Variants in GPC5 observed in about 807,000 individuals in gnomAD.
GPC5 encodes the protein glypican 5.
GPC5 carries 47 observed loss-of-function variants against 53.9 expected under a neutral mutation model. The ratio of observed to expected loss-of-function variants is 0.87; its 90% confidence interval spans 0.69 to 1.11. The LOEUF (loss-of-function observed/expected upper bound fraction) is 1.11, where lower values mean the gene tolerates loss of function less well. GPC5 is among the 50% of genes most tolerant of loss of function. The probability of loss-of-function intolerance (pLI) is 0.00; values close to 1 mark genes in which losing one functional copy is unlikely to be tolerated. For missense variants in GPC5, 748 were observed against 713.1 expected (o/e 1.05, Z -0.56); for synonymous variants, 286 against 263.3 (o/e 1.09, Z -0.84).
Position 91,641,113 on chromosome 13 carries a change from G to A in GPC5, c.326-52074G>A, listed in dbSNP as rs562027506. Among the ~76,000 whole-genome samples the A allele has an allele frequency of 2.6e-5, 4 of 152,240 alleles. No homozygotes were observed. The East Asian group carries it at 7.7e-4, about 29-fold the overall frequency. On this transcript the variant is annotated intron_variant, in intron 2 of 7. Coordinates refer to ENST00000377067, the MANE Select transcript of GPC5 (RefSeq NM_004466.6). Reference sequence around the variant, plus strand: ...GAGGCCGAGGTGGACAGATCACGAGGTCAGGAGATCGAGACCATCCTGGCT... The same window carrying A: ...GAGGCCGAGGTGGACAGATCACGAGATCAGGAGATCGAGACCATCCTGGCT...
At chr13:91,730,723 T>G (rs370499971) in intron 4 of GPC5, among the ~76,000 whole-genome samples, 1 of 152,350 alleles carries the variant, frequency 6.6e-6, no homozygotes. Flanking sequence ...ATTAAAGCTC[T>G]TTTGGGCTAT....
At chr13:91,985,987 A>T (rs2040403490) in intron 6 of GPC5, among the ~76,000 whole-genome samples, 1 of 151,928 alleles carries the variant, frequency 6.6e-6, no homozygotes, top group Admixed American at 6.6e-5. Context: ...AATTGTAAAG[A>T]TGAAATTTAC....
At chr13:91,960,568 A>T (rs538194610) in intron 6 of GPC5, among the ~76,000 whole-genome samples, 15 of 152,126 alleles carry the variant, frequency 9.9e-5, no homozygotes, top group African/African-American at 3.4e-4. Flanking sequence ...CAACTCTAAA[A>T]TTTGTGGAAC....
chr13:91,928,103 G>C (rs544455911), intron 6 of GPC5, among the ~76,000 whole-genome samples: 1 of 152,166 alleles, frequency 6.6e-6, no homozygotes, highest in Non-Finnish European at 1.5e-5. Flanking sequence ...TGAGCTATTA[G>C]ACTCAACTGA....
In GPC5 at chr13:91,653,960, C is replaced by T. The variant is rs527528390; in HGVS notation, c.326-39227C>T. Among the ~76,000 whole-genome samples the T allele has an allele frequency of 1.2e-4, 19 of 152,230 alleles. No homozygotes were observed. In the South Asian group the frequency reaches 3.9e-3, roughly 32 times the overall value. On this transcript the variant is annotated intron_variant, in intron 2 of 7. Transcript: ENST00000377067. ...TAACAATTTTCTCGTGTCCCTTTGT[C>T]ATTCTTCTCTCCTACCCATCTTCAC...
At chr13:92,138,411 T>G (rs2138973557) in intron 6 of GPC5, among the ~76,000 whole-genome samples, 1 of 151,878 alleles carries the variant, frequency 6.6e-6, no homozygotes, top group East Asian at 1.9e-4. Context: ...TCCCAGCTAC[T>G]CGGTAGGCTG....
chr13:91,789,219 GAA>G (rs113354950), intron 5 of GPC5, among the ~76,000 whole-genome samples: 5 of 141,448 alleles, frequency 3.5e-5, no homozygotes, highest in African/African-American at 1.0e-4. Flanking sequence ...TCTCAAAAAA[GAA>G]AAAAAAAAAG....
chr13:91,750,039 ACCTCAATTGATT>A (rs2037136777), intron 4 of GPC5, among the ~76,000 whole-genome samples: 1 of 152,096 alleles, frequency 6.6e-6, no homozygotes, highest in Non-Finnish European at 1.5e-5. Context: ...CAAACTCCTG[ACCTCAATTGATT>A]CCGTCTGCCT....
intron 7 of GPC5, among the ~76,000 whole-genome samples, chr13:92,622,616 T>G (rs1884911937): frequency 2.0e-5 from 3 of 151,914 alleles, no homozygotes; most frequent in African/African-American, 7.3e-5. Flanking sequence ...CAGGCTGGAG[T>G]GCTGTGGTGC....
intron 7 of GPC5, among the ~76,000 whole-genome samples, chr13:92,370,606 G>A (rs918357527): frequency 2.7e-5 from 4 of 149,022 alleles, no homozygotes; most frequent in Non-Finnish European, 4.4e-5. Flanking sequence ...AATTAACTCA[G>A]AGTCACTTCC....
At chr13:92,797,296 T>A (rs954914835) in intron 7 of GPC5, among the ~76,000 whole-genome samples, 1 of 151,950 alleles carries the variant, frequency 6.6e-6, no homozygotes, top group Non-Finnish European at 1.5e-5. Flanking sequence ...CCACTTTCCA[T>A]AGAATTGATG....
intron 2 of GPC5, among the ~76,000 whole-genome samples, chr13:91,498,239 A>ATTTTTTTTTTT (rs60732957): frequency 2.7e-5 from 3 of 110,234 alleles, no homozygotes; most frequent in Non-Finnish European, 5.5e-5. Context: ...CTACCCAAAG[A>ATTTTTTTTTTT]TTTTTTTTTT....
rs886382930 is a variant in GPC5, at chr13:91,997,708, C to T, written c.1401+89651C>T. ...TAATTTTTTGTCTTTTTAGTAGAGA[C>T]GGGGTTTCACCATGTTGGCTAGGTT... On this transcript the variant is annotated intron_variant, in intron 6 of 7. Coordinates refer to ENST00000377067, the MANE Select transcript of GPC5 (RefSeq NM_004466.6). Among the ~76,000 whole-genome samples the T allele has an allele frequency of 1.3e-4, 19 of 151,982 alleles. 1 individual carries two copies. Among genetic ancestry groups the T allele is most frequent in the African/African-American group, 1.4e-4 (6 of 41,382 alleles).
At chr13:91,865,272 T>C (rs1233568634) in intron 5 of GPC5, among the ~76,000 whole-genome samples, 1 of 152,168 alleles carries the variant, frequency 6.6e-6, no homozygotes, top group Non-Finnish European at 1.5e-5. Context: ...TTGGCAAACA[T>C]GGGAGATCCC....
intron 5 of GPC5, among the ~76,000 whole-genome samples, chr13:91,861,235 G>A (rs9556124): frequency 0.19 from 28,790 of 152,040 alleles, 3,027 homozygotes; most frequent in East Asian, 0.31. Context: ...AAAGTGATTT[G>A]TAATGAAGTT....
intron 6 of GPC5, among the ~76,000 whole-genome samples, chr13:91,943,608 C>G (rs1386913092): frequency 6.6e-6 from 1 of 152,140 alleles, no homozygotes; most frequent in Non-Finnish European, 1.5e-5. Context: ...ATGTTGCTGA[C>G]TCAATTTTTG....
intron 7 of GPC5, among the ~76,000 whole-genome samples, chr13:92,400,189 A>C (rs1049431466): frequency 6.6e-6 from 1 of 152,202 alleles, no homozygotes; most frequent in Non-Finnish European, 1.5e-5. Flanking sequence ...GAGATAAAGC[A>C]TAAAGCGGCA....
intron 7 of GPC5, among the ~76,000 whole-genome samples, chr13:92,766,096 T>C (rs1196142362): frequency 6.6e-6 from 1 of 152,184 alleles, no homozygotes. Context: ...AGGCTACATT[T>C]GGCCCGTTGG....
chr13:91,440,960 C>T (rs1295749922), intron 1 of GPC5, among the ~76,000 whole-genome samples: 1 of 152,096 alleles, frequency 6.6e-6, no homozygotes, highest in African/African-American at 2.4e-5. Context: ...CCTGGTATTC[C>T]CCCTTCACTT....
Sources: allele counts gnomAD v4.1 joint callset (sites outside exome capture counted in the v4.1 genomes callset), GRCh38; gene constraint gnomAD v4.1.1; transcripts MANE v1.5; gene names NCBI Gene and HGNC (gene_info 2026-07-23, HGNC 2026-07-21).